ZNF558: variants seen among roughly 807,000 people sequenced by gnomAD.
ZNF558 encodes the protein zinc finger protein 558.
In ZNF558, 23 loss-of-function variants were observed where a neutral mutation model predicts 37.6. The observed-to-expected ratio is 0.61, with a 90% CI of 0.44 to 0.87. The LOEUF is 0.87. Among genes scored for constraint, ZNF558 ranks in the 40% least tolerant of loss-of-function variants. The pLI, the probability that ZNF558 is intolerant of heterozygous loss-of-function variation, is 0.00. For missense variants in ZNF558, 429 were observed against 483.7 expected (o/e 0.89, Z 1.06); for synonymous variants, 189 against 174.4 (o/e 1.08, Z -0.66).
chr19:8,823,902 G>C (rs1435142193), intron 4 of ZNF558, 180 bp downstream of exon 4: 2 of 152,252 alleles, frequency 1.3e-5, no homozygotes, highest in African/African-American at 4.8e-5. Flanking sequence ...CAGCCTGCAG[G>C]GCGATCCCAC....
intron 2 of ZNF558, among the ~76,000 whole-genome samples, chr19:8,829,621 G>A (rs1248566225): frequency 6.6e-6 from 1 of 152,170 alleles, no homozygotes; most frequent in East Asian, 1.9e-4. Flanking sequence ...CAGGGTCCCT[G>A]TGCATCTGAC....
intron 6 of ZNF558, 134 bp downstream of exon 6, chr19:8,821,869 T>G: frequency 1.4e-5 from 21 of 1,522,480 alleles, no homozygotes; most frequent in Non-Finnish European, 1.9e-5. Flanking sequence ...GCCCTCACCC[T>G]CCATCTGATG....
rs1284522894 is a variant in ZNF558 at position 8,810,720 on chromosome 19, G to C, written c.*561C>G. The C allele has an allele frequency of 6.6e-6, 1 of 152,342 alleles. No individual in the cohort carries two copies. Among genetic ancestry groups the C allele is most frequent in the Non-Finnish European group, 1.5e-5 (1 of 68,192 alleles). 9.4% of individuals were successfully genotyped at this position (152,342 alleles called of 1,614,324 possible). A position where few individuals can be genotyped will look rare whatever the true frequency, so the allele number is the denominator to read the frequency against. ...CTGTTTCCTGGTATTCATACCTTCT[G>C]CAGTCTCTCACATTGTATCAGGATT... On this transcript the variant is annotated 3_prime_UTR_variant, in exon 10 of 10. Transcript: ENST00000601372.
rs375436772 is a variant in ZNF558, at chr19:8,811,242, G to A, written c.*39C>T. ...CTCTCAAACTATCTTAGGGATGAAAGATCAATGAGTGCTTTCCTCCAGAAG... is the reference window on the plus strand; with the variant it reads ...CTCTCAAACTATCTTAGGGATGAAAAATCAATGAGTGCTTTCCTCCAGAAG... On this transcript the variant is annotated 3_prime_UTR_variant, in exon 10 of 10. Coordinates refer to ENST00000601372, the MANE Select transcript of ZNF558 (RefSeq NM_144693.3). 8 of 1,515,112 alleles carry A rather than the reference G, an allele frequency of 5.3e-6. No individual in the cohort carries two copies. Among genetic ancestry groups the A allele is most frequent in the Admixed American group, 2.2e-5 (1 of 45,478 alleles). 93.9% of individuals were successfully genotyped at this position (1,515,112 alleles called of 1,614,324 possible).
rs2043738204 is a variant in ZNF558 at position 8,809,724 on chromosome 19, AATGTTT to A, written c.*1551_*1556del. 1 of 152,234 alleles carries A rather than the reference AATGTTT, an allele frequency of 6.6e-6. No homozygotes were observed. Among genetic ancestry groups the A allele is most frequent in the Non-Finnish European group, 1.5e-5 (1 of 68,038 alleles). The allele number at this position is 152,234 out of a possible 1,614,324, so 9.4% of individuals were successfully genotyped here. ...TTGCATTAAAATTATGAAATATGTT[AATGTTT>A]ATTTTAGGGAACAGCTATACACAAA... On this transcript the variant is annotated 3_prime_UTR_variant, in exon 10 of 10. Transcript: ENST00000601372.
intron 2 of ZNF558, 73 bp from the exon 3 acceptor site, chr19:8,825,181 G>A (rs1252065822): frequency 2.0e-5 from 3 of 152,212 alleles, no homozygotes; most frequent in African/African-American, 7.2e-5. Flanking sequence ...CCCACTTCTA[G>A]AAATCTATCT....
chr19:8,821,159 C>T (rs373468431), intron 7 of ZNF558, 21 bp downstream of exon 7: 287 of 1,610,002 alleles, frequency 1.8e-4, no homozygotes, highest in Non-Finnish European at 2.4e-4. Context: ...TAAATAAATG[C>T]AGGAATGACA....
Position 8,811,940 on chromosome 19 carries a change from G to T in ZNF558, c.550C>A (p.Gln184Lys). The T allele has an allele frequency of 6.2e-7, 1 of 1,613,956 alleles. No individual in the cohort carries two copies. The highest frequency in any genetic ancestry group is 1.1e-5 in the South Asian group (1 of 91,054). The change falls in exon 10 of 10, where the codon CAA becomes AAA. Residue 184 changes from glutamine to lysine, a missense_variant. Physicochemically the swap from Gln to Lys is moderately conservative, Grantham distance 53. Coordinates refer to ENST00000601372, the MANE Select transcript of ZNF558 (RefSeq NM_144693.3). ...HTGEKPYDCS[Q>K]CGKSFSSRSY... ...CTGCTACTGAAGGACTTCCCACATT[G>T]ACTACAGTCATAGGGTTTTTCTCCA...
chr19:8,814,805 C>A (rs1490579575), intron 7 of ZNF558, among the ~76,000 whole-genome samples: 2 of 152,180 alleles, frequency 1.3e-5, no homozygotes, highest in African/African-American at 4.8e-5. Flanking sequence ...AGAAAAGAGA[C>A]TTCGGTGGCC....
At chr19:8,828,281 CT>C (rs1204869662) in intron 2 of ZNF558, among the ~76,000 whole-genome samples, 5 of 152,210 alleles carry the variant, frequency 3.3e-5, no homozygotes, top group African/African-American at 9.6e-5. Flanking sequence ...AAGATAACAT[CT>C]TAACATGCGT....
intron 9 of ZNF558, 59 bp from the exon 10 acceptor site, chr19:8,812,122 C>CTCCTGGGAGAGAAGAT: frequency 7.4e-7 from 1 of 1,356,376 alleles, no homozygotes; most frequent in Non-Finnish European, 9.7e-7. Flanking sequence ...ACTTAATGTT[C>CTCCTGGGAGAGAAGAT]TCCTAGGAAT....
At chr19:8,812,432 C>T in intron 9 of ZNF558, 129 bp downstream of exon 9, 2 of 581,192 alleles carry the variant, frequency 3.4e-6, no homozygotes, top group Non-Finnish European at 5.8e-6. Flanking sequence ...AGTGTCTCTC[C>T]AGGAACACAG....
intron 6 of ZNF558, chr19:8,821,547 G>A: frequency 7.0e-7 from 1 of 1,421,802 alleles, no homozygotes; most frequent in Non-Finnish European, 9.2e-7. Context: ...TGTCTCCTTA[G>A]GCCATTCCCA....
intron 7 of ZNF558, among the ~76,000 whole-genome samples, chr19:8,816,721 A>G (rs1256663883): frequency 1.3e-5 from 2 of 152,276 alleles, no homozygotes; most frequent in Admixed American, 6.5e-5. Flanking sequence ...AAGGAAGTGA[A>G]GAACACAGGT....
intron 4 of ZNF558, chr19:8,823,664 C>G: frequency 6.8e-6 from 1 of 147,144 alleles, no homozygotes; most frequent in Non-Finnish European, 1.5e-5. Context: ...CTGCCTCAGC[C>G]ACCCCCTCTC....
At chr19:8,814,476 G>A (rs2043880030) in intron 7 of ZNF558, among the ~76,000 whole-genome samples, 1 of 152,178 alleles carries the variant, frequency 6.6e-6, no homozygotes, top group African/African-American at 2.4e-5. Context: ...CGAAAAGCCT[G>A]AAAGGAAAAA....
chr19:8,831,993 C>T (rs1260464776), intron 1 of ZNF558: 1 of 152,350 alleles, frequency 6.6e-6, no homozygotes, highest in Non-Finnish European at 1.5e-5. Flanking sequence ...GCGGAATCGC[C>T]CCGGGTGAGG....
intron 6 of ZNF558, 63 bp from the exon 7 acceptor site, chr19:8,821,369 G>A: frequency 1.2e-6 from 2 of 1,613,982 alleles, no homozygotes; most frequent in Non-Finnish European, 8.5e-7. Context: ...CACAGGAAGA[G>A]GGGCCAGGAG....
chr19:8,832,914 C>T (rs1406769460), upstream of ZNF558, among the ~76,000 whole-genome samples: 4 of 149,928 alleles, frequency 2.7e-5, no homozygotes, highest in Admixed American at 6.6e-5. Flanking sequence ...GTGGGTGTAC[C>T]GGTCTTGGAG....
Sources: allele counts gnomAD v4.1 joint callset (sites outside exome capture counted in the v4.1 genomes callset), GRCh38; gene constraint gnomAD v4.1.1; transcripts MANE v1.5; gene names NCBI Gene and HGNC (gene_info 2026-07-23, HGNC 2026-07-21).